MEI4: variants seen among roughly 807,000 people sequenced by gnomAD.
The protein encoded by MEI4 is meiosis-specific protein MEI4.
MEI4 carries 27 observed loss-of-function variants against 31.4 expected under a neutral mutation model. That is an observed-to-expected ratio of 0.86 (90% CI 0.63 to 1.19). MEI4 has a LOEUF of 1.19. MEI4 is among the 50% of genes most tolerant of loss of function. MEI4 has a pLI of 0.00. For synonymous variants in MEI4, 122 were observed against 145.4 expected (o/e 0.84, Z 1.16); for missense variants, 329 against 398.9 (o/e 0.82, Z 1.49).
At chr6:77,864,824 GGT>G (rs1562017309) in intron 4 of MEI4, among the ~76,000 whole-genome samples, 334 of 152,118 alleles carry the variant, frequency 2.2e-3, no homozygotes, top group African/African-American at 7.3e-3. Context: ...TGACCACATA[GGT>G]GGAAGTAAAG....
intron 4 of MEI4, among the ~76,000 whole-genome samples, chr6:77,849,693 T>C (rs1355506519): frequency 6.6e-6 from 1 of 152,222 alleles, no homozygotes; most frequent in Non-Finnish European, 1.5e-5. Flanking sequence ...TATAGAGCTG[T>C]AGTGCATACC....
intron 3 of MEI4, among the ~76,000 whole-genome samples, chr6:77,765,027 T>A (rs1314931446): frequency 6.6e-6 from 1 of 152,216 alleles, no homozygotes; most frequent in African/African-American, 2.4e-5. Flanking sequence ...GAACAAGTTT[T>A]CAATTATTTT....
intron 2 of MEI4, among the ~76,000 whole-genome samples, chr6:77,724,827 T>C (rs71563062): frequency 0.086 from 12,450 of 145,504 alleles, 166 homozygotes; most frequent in East Asian, 0.24. Context: ...ATAGTCAACA[T>C]TTTGCGTTGA....
At chr6:77,757,106 TAATC>T (rs936440829) in intron 2 of MEI4, among the ~76,000 whole-genome samples, 1 of 152,240 alleles carries the variant, frequency 6.6e-6, no homozygotes, top group African/African-American at 2.4e-5. Flanking sequence ...TCAGTTCTCT[TAATC>T]AAGCTGAGCT....
chr6:77,800,699 G>C (rs967661924), intron 3 of MEI4, among the ~76,000 whole-genome samples: 3 of 150,230 alleles, frequency 2.0e-5, no homozygotes, highest in Admixed American at 2.0e-4. Flanking sequence ...TTTTTAGCAT[G>C]AAGTGCTGTT....
chr6:77,761,318 G>C lies in MEI4; in HGVS notation c.421G>C (p.Ala141Pro). ...ACTGCCTCTTGTGAAAAGACCTTGT[G>C]CTATCCTGCAAAATCCTTTGTCTTC... ...PPLPLVKRPC[A>P]ILQNPLSSHM... The change falls in exon 3 of 5, where the codon GCT becomes CCT. Residue 141 changes from alanine (A) to proline (P), a missense_variant. Ala to Pro is a conservative substitution (Grantham distance 27). Coordinates refer to ENST00000684080, the MANE Select transcript of MEI4 (RefSeq NM_001322247.2). 3.2e-6 allele frequency: 4 copies of C among 1,232,602 alleles called. No homozygotes were observed. Among genetic ancestry groups the C allele is most frequent in the Non-Finnish European group, 4.0e-6 (4 of 988,054 alleles). 76.4% of individuals were successfully genotyped at this position (1,232,602 alleles called of 1,614,324 possible). A position where few individuals can be genotyped will look rare whatever the true frequency, so the allele number is the denominator to read the frequency against.
chr6:77,769,904 G>A (rs1294870905), intron 3 of MEI4, among the ~76,000 whole-genome samples: 1 of 151,858 alleles, frequency 6.6e-6, no homozygotes, highest in East Asian at 2.0e-4. Context: ...GTTGGCTTCA[G>A]GTGTGACCCA....
chr6:77,868,178 C>A (rs1771096226), intron 4 of MEI4, among the ~76,000 whole-genome samples: 1 of 150,732 alleles, frequency 6.6e-6, no homozygotes, highest in Non-Finnish European at 1.5e-5. Context: ...TGTAACTAAC[C>A]TGCACATTGT....
At chr6:77,798,604 T>C (rs1480341140) in intron 3 of MEI4, among the ~76,000 whole-genome samples, 1 of 151,086 alleles carries the variant, frequency 6.6e-6, no homozygotes, top group Non-Finnish European at 1.5e-5. Context: ...AACTCATCAT[T>C]TAGCATTAGG....
chr6:77,916,138 AT>A (rs1766539446), intron 4 of MEI4, among the ~76,000 whole-genome samples: 1 of 151,994 alleles, frequency 6.6e-6, no homozygotes, highest in Non-Finnish European at 1.5e-5. Context: ...TCATTGATAC[AT>A]TTCTCATTCA....
rs892788855 is a variant in MEI4 at position 77,917,121 on chromosome 6, T to C, written c.901-5968T>C. On this transcript the variant is annotated intron_variant, in intron 4 of 4. Transcript: ENST00000684080. ...GAACTCATCATTTTTTATGGCTGCA[T>C]AGTATTCCGTGGTGTATATGTGCCA... Among the ~76,000 whole-genome samples, 54 of 152,132 alleles carry C rather than the reference T, an allele frequency of 3.5e-4. 1 individual carries two copies. The highest frequency in any genetic ancestry group is 1.6e-4 in the Non-Finnish European group (11 of 68,012).
intron 3 of MEI4, among the ~76,000 whole-genome samples, chr6:77,792,954 C>T (rs965498502): frequency 1.4e-4 from 21 of 152,210 alleles, no homozygotes; most frequent in South Asian, 4.1e-4. Flanking sequence ...CCTCGTGATC[C>T]GCCTGCCTCA....
chr6:77,765,598 A>T (rs1048739344), intron 3 of MEI4, among the ~76,000 whole-genome samples: 3 of 122,830 alleles, frequency 2.4e-5, no homozygotes, highest in African/African-American at 9.5e-5. Context: ...CCTGGTGTGA[A>T]CTAGTTCAAC....
chr6:77,914,721 A>T (rs1035765833), intron 4 of MEI4, among the ~76,000 whole-genome samples: 2 of 152,040 alleles, frequency 1.3e-5, no homozygotes, highest in Admixed American at 6.6e-5. Context: ...CTCCCCTTAG[A>T]TCTAATAATA....
At chr6:77,858,992 T>G (rs746381932) in intron 4 of MEI4, among the ~76,000 whole-genome samples, 34 of 151,812 alleles carry the variant, frequency 2.2e-4, no homozygotes, top group Non-Finnish European at 2.6e-4. Flanking sequence ...TTGCTGCACC[T>G]AGTGACCTCT....
At chr6:77,913,630 A>G (rs1766478188) in intron 4 of MEI4, among the ~76,000 whole-genome samples, 1 of 151,066 alleles carries the variant, frequency 6.6e-6, no homozygotes, top group African/African-American at 2.4e-5. Flanking sequence ...ATCTGTTGCA[A>G]TGTCTCCCTT....
At chr6:77,902,595 C>T (rs139326688) in intron 4 of MEI4, among the ~76,000 whole-genome samples, 101 of 152,154 alleles carry the variant, frequency 6.6e-4, no homozygotes, top group African/African-American at 1.7e-3. Flanking sequence ...GCCTCCAAAT[C>T]ACTAAGCTAT....
rs138811031 is a variant in MEI4, at chr6:77,756,791, A to G, written c.233-4339A>G. ...TCCAAGGAGTTGATCATGGTTCATT[A>G]TAAATATTAAAGATGACAGAAGACC... On this transcript the variant is annotated intron_variant, in intron 2 of 4. Coordinates refer to ENST00000684080, the MANE Select transcript of MEI4 (RefSeq NM_001322247.2). Among the ~76,000 whole-genome samples the G allele has an allele frequency of 1.4e-3, 210 of 152,214 alleles. 1 individual carries two copies. The highest frequency in any genetic ancestry group is 4.4e-3 in the African/African-American group (184 of 41,528).
intron 2 of MEI4, 117 bp from the exon 3 acceptor site, chr6:77,761,013 T>G (rs1308905006): frequency 1.5e-6 from 1 of 667,830 alleles, no homozygotes; most frequent in African/African-American, 1.9e-5. Flanking sequence ...GCTTGTTAAA[T>G]GCTTAATGTG....
Sources: allele counts gnomAD v4.1 joint callset (sites outside exome capture counted in the v4.1 genomes callset), GRCh38; gene constraint gnomAD v4.1.1; transcripts MANE v1.5; gene names NCBI Gene and HGNC (gene_info 2026-07-23, HGNC 2026-07-21).